LNP1: variants seen among roughly 807,000 people sequenced by gnomAD.
LNP1 encodes leukemia NUP98 fusion partner 1.
In LNP1, 12 loss-of-function variants were observed where a neutral mutation model predicts 14.5. The ratio of observed to expected loss-of-function variants is 0.83; its 90% CI spans 0.53 to 1.34. The LOEUF is 1.34. LNP1 is among the 40% of genes most tolerant of loss of function. The pLI, the probability that LNP1 is intolerant of heterozygous loss-of-function variation, is 0.00. For synonymous variants in LNP1, 75 were observed against 71.4 expected, an observed-to-expected ratio of 1.05 and a Z score of -0.26; for missense variants, 198 against 210.9, an observed-to-expected ratio of 0.94 and a Z score of 0.38.
At chr3:100,436,597 C>A (rs1707296796) in intron 2 of LNP1, among the ~76,000 whole-genome samples, 1 of 152,058 alleles carries the variant, frequency 6.6e-6, no homozygotes, top group Non-Finnish European at 1.5e-5. Flanking sequence ...GCACAAAATT[C>A]TAGAGTTTTT....
intron 1 of LNP1, among the ~76,000 whole-genome samples, chr3:100,421,609 A>T (rs1310567854): frequency 6.6e-6 from 1 of 152,298 alleles, no homozygotes; most frequent in South Asian, 2.1e-4. Context: ...TACTTTTAAG[A>T]TGTTTCCACA....
chr3:100,408,289 G>A (rs936335735), intron 1 of LNP1, among the ~76,000 whole-genome samples: 1 of 152,208 alleles, frequency 6.6e-6, no homozygotes, highest in Admixed American at 6.5e-5. Flanking sequence ...TGTGGTCTCC[G>A]AGCCTGTGAC....
At chr3:100,412,620 A>C (rs1361026029) in intron 1 of LNP1, among the ~76,000 whole-genome samples, 1 of 152,222 alleles carries the variant, frequency 6.6e-6, no homozygotes, top group Non-Finnish European at 1.5e-5. Flanking sequence ...CAACATCAGA[A>C]GCCGTGTCTG....
chr3:100,412,532 T>C (rs1707040154), intron 1 of LNP1, among the ~76,000 whole-genome samples: 1 of 152,218 alleles, frequency 6.6e-6, no homozygotes, highest in African/African-American at 2.4e-5. Context: ...TCTGGGACTT[T>C]CTCAAAATTT....
chr3:100,409,705 C>A (rs935689730), intron 1 of LNP1, among the ~76,000 whole-genome samples: 10 of 150,042 alleles, frequency 6.7e-5, no homozygotes, highest in Non-Finnish European at 1.5e-4. Context: ...TCAAGCGATT[C>A]TGCCTTAGCC....
At chr3:100,451,545 A>T in intron 2 of LNP1, 174 bp from the exon 3 acceptor site, 1 of 583,852 alleles carries the variant, frequency 1.7e-6, no homozygotes, top group African/African-American at 1.9e-5. Context: ...TCCCAGCTTG[A>T]CTTTTCCCTT....
intron 2 of LNP1, among the ~76,000 whole-genome samples, chr3:100,447,560 G>T (rs1707399960): frequency 6.6e-6 from 1 of 151,738 alleles, no homozygotes; most frequent in African/African-American, 2.4e-5. Context: ...TATCAAACCT[G>T]CATGTTGTGC....
At chr3:100,430,507 C>G (rs1183722267) in intron 2 of LNP1, among the ~76,000 whole-genome samples, 1 of 152,208 alleles carries the variant, frequency 6.6e-6, no homozygotes, top group Non-Finnish European at 1.5e-5. Flanking sequence ...GCTTGGTCAG[C>G]TGTAGACTCA....
At chr3:100,443,639 G>A (rs113997059) in intron 2 of LNP1, among the ~76,000 whole-genome samples, 73 of 152,294 alleles carry the variant, frequency 4.8e-4, no homozygotes, top group Admixed American at 2.2e-3. Flanking sequence ...CAGGAATTGC[G>A]TAGACAAGTT....
At chr3:100,450,811 G>A (rs939586257) in intron 2 of LNP1, among the ~76,000 whole-genome samples, 2 of 152,224 alleles carry the variant, frequency 1.3e-5, no homozygotes, top group African/African-American at 4.8e-5. Flanking sequence ...CTCCATAAAG[G>A]AGTTACCTGC....
At chr3:100,441,555 C>T (rs1289833475) in intron 2 of LNP1, among the ~76,000 whole-genome samples, 1 of 151,924 alleles carries the variant, frequency 6.6e-6, no homozygotes, top group Non-Finnish European at 1.5e-5. Flanking sequence ...TAGCAATATG[C>T]AGCAAATTTT....
chr3:100,424,520 A>G (rs910316862), intron 1 of LNP1, among the ~76,000 whole-genome samples: 5 of 152,218 alleles, frequency 3.3e-5, no homozygotes, highest in East Asian at 1.9e-4. Context: ...TGGAGGCTCA[A>G]TAGAGACTCA....
rs72941500 is a variant in LNP1 at position 100,427,726 on chromosome 3, A to G, written c.-33-1971A>G. Among the ~76,000 whole-genome samples the G allele has an allele frequency of 1.3e-3, 202 of 152,288 alleles. 1 individual carries two copies. The highest frequency in any genetic ancestry group is 4.7e-3 in the African/African-American group (196 of 41,554). ...ATACAAGGTAAAACTGAGAAAGAAA[A>G]TGGAAAAGGCATATGGGGTACAGTC... is the stretch of plus-strand genomic sequence containing the variant. On this transcript the variant is annotated intron_variant, in intron 1 of 3. Transcript: ENST00000383693.
At chr3:100,454,749 C>T (rs941378406) in intron 3 of LNP1, among the ~76,000 whole-genome samples, 1 of 152,184 alleles carries the variant, frequency 6.6e-6, no homozygotes, top group Non-Finnish European at 1.5e-5. Context: ...TGATAAGAGA[C>T]CTTCATGACT....
chr3:100,456,190 G>A lies in LNP1; in HGVS notation c.*264G>A. Reference sequence around the variant, plus strand: ...TTTTATGGGAATAAAGAGAATAAAAGGTATTTTAATAGAATAAAGAAAAAT... The same window carrying A: ...TTTTATGGGAATAAAGAGAATAAAAAGTATTTTAATAGAATAAAGAAAAAT... On this transcript the variant is annotated 3_prime_UTR_variant, in exon 4 of 4. Transcript: ENST00000383693. 2 of 299,968 alleles carry A rather than the reference G, an allele frequency of 6.7e-6. No homozygotes were observed. The highest frequency in any genetic ancestry group is 2.2e-5 in the African/African-American group (1 of 46,300). 18.6% of individuals were successfully genotyped at this position (299,968 alleles called of 1,614,324 possible). A position where few individuals can be genotyped will look rare whatever the true frequency, so the allele number is the denominator to read the frequency against.
chr3:100,438,867 T>C (rs1707316530), intron 2 of LNP1, among the ~76,000 whole-genome samples: 1 of 152,134 alleles, frequency 6.6e-6, no homozygotes, highest in Non-Finnish European at 1.5e-5. Flanking sequence ...AAACAGGGGA[T>C]AGATAGGTGA....
At chr3:100,409,606 AT>A (rs201827312) in intron 1 of LNP1, among the ~76,000 whole-genome samples, 15,274 of 123,536 alleles carry the variant, frequency 0.12, 1,276 homozygotes, top group East Asian at 0.39. Flanking sequence ...ATATATATAT[AT>A]TTTTTTTTTT....
intron 1 of LNP1, among the ~76,000 whole-genome samples, chr3:100,407,405 A>G (rs80162112): frequency 0.012 from 1,877 of 152,228 alleles, 37 homozygotes; most frequent in African/African-American, 0.042. Context: ...CACTTTGACT[A>G]TATCATACCA....
chr3:100,452,203 T>G (rs1057164352), intron 3 of LNP1, among the ~76,000 whole-genome samples: 1 of 97,678 alleles, frequency 1.0e-5, no homozygotes, highest in African/African-American at 6.1e-5. Context: ...TTTTTCTTTC[T>G]TTTTTTTTTT....
Sources: gnomAD v4.1 joint callset for allele counts (sites outside exome capture counted in the v4.1 genomes callset) on GRCh38, gnomAD v4.1.1 for gene constraint, MANE v1.5 for transcripts, NCBI Gene and HGNC (gene_info 2026-07-23, HGNC 2026-07-21) for gene names.